Variants in RBM34 observed in about 807,000 individuals in gnomAD.
RBM34 encodes the protein RNA binding motif protein 34.
RBM34 carries 39 observed loss-of-function variants against 44.6 expected under a neutral mutation model. The ratio of observed to expected loss-of-function variants is 0.87; its 90% CI spans 0.68 to 1.14. RBM34 has a LOEUF of 1.14. Ranked by LOEUF, RBM34 falls within the 50% of genes most tolerant of loss-of-function variation. The probability of loss-of-function intolerance (pLI) is 0.00; values close to 1 mark genes in which losing one functional copy is unlikely to be tolerated. For missense variants in RBM34, 572 were observed against 517.9 expected, an observed-to-expected ratio of 1.10 and a Z score of -1.01; for synonymous variants, 194 against 184.0, an observed-to-expected ratio of 1.05 and a Z score of -0.44.
intron 6 of RBM34, among the ~76,000 whole-genome samples, chr1:235,141,102 C>A (rs1661665405): frequency 6.6e-6 from 1 of 150,860 alleles, no homozygotes; most frequent in Non-Finnish European, 1.5e-5. Flanking sequence ...CCAATCGGCA[C>A]TCTGTATCTA....
chr1:235,139,179 T>G (rs1289301938), intron 6 of RBM34, among the ~76,000 whole-genome samples: 1 of 152,194 alleles, frequency 6.6e-6, no homozygotes, highest in East Asian at 1.9e-4. Flanking sequence ...TGAACACAGA[T>G]CTTTCCCTGA....
chr1:235,131,538 C>T lies in RBM34; in HGVS notation c.*175G>A. 1.4e-6 allele frequency: 1 copy of T among 723,416 alleles called. No individual in the cohort carries two copies. Among genetic ancestry groups the T allele is most frequent in the Non-Finnish European group, 2.1e-6 (1 of 473,050 alleles). 44.8% of individuals were successfully genotyped at this position (723,416 alleles called of 1,614,324 possible). The stretch of plus-strand genomic sequence containing the variant: ...AACAAAACAAAAACAAAAAAACCTT[C>T]AAAGGTAGTATCACAATGTGAATAA... On this transcript the variant is annotated 3_prime_UTR_variant, in exon 11 of 11. Coordinates refer to ENST00000408888, the MANE Select transcript of RBM34 (RefSeq NM_015014.4).
intron 6 of RBM34, among the ~76,000 whole-genome samples, chr1:235,139,906 C>T (rs1047165493): frequency 6.6e-6 from 1 of 152,224 alleles, no homozygotes; most frequent in East Asian, 1.9e-4. Context: ...CACTAAAACA[C>T]TAGAGCTCAG....
intron 3 of RBM34, among the ~76,000 whole-genome samples, chr1:235,158,349 G>A (rs1662540024): frequency 6.6e-6 from 1 of 151,760 alleles, no homozygotes; most frequent in Non-Finnish European, 1.5e-5. Context: ...CCCAGAGGCG[G>A]AGGTTGCAGT....
chr1:235,155,539 C>T (rs1662363647), intron 3 of RBM34, among the ~76,000 whole-genome samples: 1 of 145,438 alleles, frequency 6.9e-6, no homozygotes. Flanking sequence ...GAGTTTTGCT[C>T]TGTCACCCAG....
intron 10 of RBM34, among the ~76,000 whole-genome samples, chr1:235,132,294 T>G (rs972749738): frequency 6.6e-6 from 1 of 152,166 alleles, no homozygotes; most frequent in Admixed American, 6.6e-5. Flanking sequence ...ATTAGTCATA[T>G]GCAATATTGG....
Position 235,131,802 on chromosome 1 carries a change from A to G in RBM34, c.1204T>C (p.Phe402Leu). Reference sequence around the variant, plus strand: ...AGGAGAACAGCTTTTTCTCCAATAAATAAGCTTTTAGGATGTCCTTCTGCA... The same window carrying G: ...AGGAGAACAGCTTTTTCTCCAATAAGTAAGCTTTTAGGATGTCCTTCTGCA... The part of the protein sequence containing the change: ...KTAEGHPKSL[F>L]IGEKAVLLKT... The change falls in exon 11 of 11, where the codon TTT becomes CTT. Residue 402 changes from phenylalanine to leucine, a missense_variant. Phe to Leu is a conservative substitution (Grantham distance 22, BLOSUM62 0). Transcript: ENST00000408888. The G allele has an allele frequency of 6.2e-7, 1 of 1,614,106 alleles. No individual in the cohort carries two copies. The highest frequency in any genetic ancestry group is 8.5e-7 in the Non-Finnish European group (1 of 1,180,010).
Position 235,155,053 on chromosome 1 carries a change from T to G in RBM34, c.425A>C (p.Lys142Thr), listed in dbSNP as rs770638100. The change falls in exon 4 of 11, where the codon AAA (lysine) becomes ACA (threonine). Residue 142 changes from lysine (K) to threonine (T), a missense_variant. Transcript: ENST00000408888. ...EEEIHQKQGQ[K>T]RKNSQPGVKV... ...AACACCAGGTTGAGAATTTTTCCTT[T>G]TCTGCCCTTGTTTCTGGTGAATTTC... The G allele has an allele frequency of 6.2e-7, 1 of 1,613,974 alleles. No individual in the cohort carries two copies. Among genetic ancestry groups the G allele is most frequent in the Admixed American group, 1.7e-5 (1 of 59,980 alleles).
chr1:235,136,341 A>C (rs1007379928), intron 8 of RBM34, among the ~76,000 whole-genome samples: 1 of 152,178 alleles, frequency 6.6e-6, no homozygotes, highest in Non-Finnish European at 1.5e-5. Flanking sequence ...GAGCATGCCA[A>C]CTTTTTCTGT....
chr1:235,160,979 G>T lies in RBM34; in HGVS notation c.142C>A (p.His48Asn). 6.2e-7 allele frequency: 1 copy of T among 1,614,144 alleles called. No individual in the cohort carries two copies. The highest frequency in any genetic ancestry group is 1.7e-5 in the Admixed American group (1 of 60,016). ...VASSLFRGEH[H>N]SRGGTGRLAS... ...AGCCGACCGGTGCCACCTCTGGAAT[G>T]GTGTTCGCCGCGAAATAAGCTACTG... is the stretch of plus-strand genomic sequence containing the variant. Residue 48 changes from histidine (H) to asparagine (N), a missense_variant, in exon 2 of 11, where the codon CAT (histidine) becomes AAT (asparagine). Coordinates refer to ENST00000408888, the MANE Select transcript of RBM34 (RefSeq NM_015014.4).
chr1:235,141,742 C>A (rs540144892), intron 6 of RBM34, among the ~76,000 whole-genome samples: 2 of 152,214 alleles, frequency 1.3e-5, no homozygotes, highest in Non-Finnish European at 2.9e-5. Context: ...CCGGGAGGAA[C>A]GAACAACTCC....
At chr1:235,147,022 G>A (rs142866038) in intron 6 of RBM34, among the ~76,000 whole-genome samples, 69 of 152,248 alleles carry the variant, frequency 4.5e-4, no homozygotes, top group Non-Finnish European at 7.4e-4. Flanking sequence ...CTTGAAGCCC[G>A]GGGTTCAAGA....
intron 3 of RBM34, among the ~76,000 whole-genome samples, chr1:235,159,598 A>G (rs1299278283): frequency 4.0e-5 from 6 of 151,646 alleles, no homozygotes; most frequent in African/African-American, 1.5e-4. Flanking sequence ...GGCCAGGTGC[A>G]GTGGCTCATG....
chr1:235,159,112 C>G (rs912292226), intron 3 of RBM34, among the ~76,000 whole-genome samples: 3 of 151,172 alleles, frequency 2.0e-5, no homozygotes, highest in Non-Finnish European at 2.9e-5. Flanking sequence ...ACACAGGAGG[C>G]TGAGGTGGGC....
At chr1:235,155,822 C>T (rs866988773) in intron 3 of RBM34, among the ~76,000 whole-genome samples, 20 of 64,166 alleles carry the variant, frequency 3.1e-4, no homozygotes, top group African/African-American at 1.8e-3. Context: ...CATACATATA[C>T]ATATATATAT....
At position 235,131,197 on chromosome 1, in the gene RBM34, G is replaced by C. The variant is rs569653493; in HGVS notation, c.*516C>G. On this transcript the variant is annotated 3_prime_UTR_variant, in exon 11 of 11. Coordinates refer to ENST00000408888, the MANE Select transcript of RBM34 (RefSeq NM_015014.4). ...CACACACGGAGTAAGGTTAAGAGCA[G>C]AGGTTTAATAGGCAAAAGAGAAAGG... 6.5e-6 allele frequency: 1 copy of C among 153,470 alleles called. No homozygotes were observed. The highest frequency in any genetic ancestry group is 2.0e-4 in the South Asian group (1 of 4,906). 9.5% of individuals were successfully genotyped at this position (153,470 alleles called of 1,614,324 possible).
At chr1:235,132,598 C>T (rs546603598) in intron 10 of RBM34, among the ~76,000 whole-genome samples, 1 of 152,278 alleles carries the variant, frequency 6.6e-6, no homozygotes, top group East Asian at 1.9e-4. Context: ...TGAGCCACCG[C>T]GCCTGGCCCC....
At chr1:235,149,485 A>G (rs1032384376) in intron 5 of RBM34, among the ~76,000 whole-genome samples, 2 of 152,154 alleles carry the variant, frequency 1.3e-5, no homozygotes, top group African/African-American at 4.8e-5. Flanking sequence ...AAATATGTCT[A>G]ACTGAACTGA....
Position 235,131,635 on chromosome 1 carries a change from A to G in RBM34, c.*78T>C. The G allele has an allele frequency of 6.9e-7, 1 of 1,449,240 alleles. No homozygotes were observed. Among genetic ancestry groups the G allele is most frequent in the Non-Finnish European group, 9.3e-7 (1 of 1,073,780 alleles). The allele number at this position is 1,449,240 out of a possible 1,614,324, so 89.8% of individuals were successfully genotyped here. A position where few individuals can be genotyped will look rare whatever the true frequency, so the allele number is the denominator to read the frequency against. ...GAAGTATAAAACTCAACACATGAAT[A>G]GCAGACGATGCTATCAGCAGATAAT... On this transcript the variant is annotated 3_prime_UTR_variant, in exon 11 of 11. Coordinates refer to ENST00000408888, the MANE Select transcript of RBM34 (RefSeq NM_015014.4).
Sources: allele counts gnomAD v4.1 joint callset (sites outside exome capture counted in the v4.1 genomes callset), GRCh38; gene constraint gnomAD v4.1.1; transcripts MANE v1.5; gene names NCBI Gene and HGNC (gene_info 2026-07-23, HGNC 2026-07-21).